Variants in TENM3 observed in about 807,000 individuals in gnomAD.
TENM3 encodes teneurin transmembrane protein 3.
Under a neutral mutation model 255.1 loss-of-function variants are expected in TENM3, and 63 were observed. The ratio of observed to expected loss-of-function variants is 0.25; its 90% CI spans 0.20 to 0.30. The LOEUF (loss-of-function observed/expected upper bound fraction) is 0.30, where lower values mean the gene tolerates loss of function less well. Among genes scored for constraint, TENM3 ranks in the 10% least tolerant of loss-of-function variants. The probability of loss-of-function intolerance (pLI) is 1.00; values close to 1 mark genes in which losing one functional copy is unlikely to be tolerated. For missense variants in TENM3, 2,929 were observed against 3,461.1 expected (o/e 0.85, Z 3.86); for synonymous variants, 1,306 against 1,322.3 (o/e 0.99, Z 0.27).
At chr4:182,718,130 A>C (rs1759358010) in intron 13 of TENM3, among the ~76,000 whole-genome samples, 1 of 152,008 alleles carries the variant, frequency 6.6e-6, no homozygotes, top group Non-Finnish European at 1.5e-5. Flanking sequence ...ACCAGGAAAG[A>C]CCCTGGTCTC....
intron 1 of TENM3, among the ~76,000 whole-genome samples, chr4:182,172,816 C>A (rs1752197764): frequency 6.6e-6 from 1 of 152,150 alleles, no homozygotes; most frequent in Non-Finnish European, 1.5e-5. Context: ...TGGTAAAGAT[C>A]TTGTATTAAA....
intron 4 of TENM3, among the ~76,000 whole-genome samples, chr4:182,617,253 C>T (rs918548502): frequency 6.6e-6 from 1 of 152,072 alleles, no homozygotes; most frequent in South Asian, 2.1e-4. Context: ...TAATAATAGG[C>T]GTTATGGAAG....
At chr4:181,710,350 G>A in the TENM3 span, among the ~76,000 whole-genome samples, 1 of 152,110 alleles carries the variant, frequency 6.6e-6, no homozygotes, top group Non-Finnish European at 1.5e-5. Flanking sequence ...ATGCTGACGA[G>A]GACCAAATAA....
the TENM3 span, among the ~76,000 whole-genome samples, chr4:181,573,391 T>C: frequency 2.1e-4 from 32 of 152,156 alleles, no homozygotes; most frequent in African/African-American, 7.5e-4. Flanking sequence ...TTCCACATCC[T>C]GGCCAGCACT....
chr4:182,221,611 TAC>T (rs1372665412), intron 1 of TENM3, among the ~76,000 whole-genome samples: 1 of 152,236 alleles, frequency 6.6e-6, no homozygotes, highest in African/African-American at 2.4e-5. Context: ...TCAATATATA[TAC>T]CATCCATTTT....
intron 3 of TENM3, among the ~76,000 whole-genome samples, chr4:182,407,196 C>T (rs1769640741): frequency 6.6e-6 from 1 of 152,148 alleles, no homozygotes; most frequent in African/African-American, 2.4e-5. Context: ...AAAAACCCAC[C>T]TCTTCACATA....
At chr4:181,448,627 GA>G in the TENM3 span, among the ~76,000 whole-genome samples, 3 of 152,124 alleles carry the variant, frequency 2.0e-5, no homozygotes, top group Non-Finnish European at 1.5e-5. Flanking sequence ...GTATATTAGT[GA>G]GATTGTTAAA....
the TENM3 span, among the ~76,000 whole-genome samples, chr4:181,604,287 A>G: frequency 3.3e-5 from 5 of 152,182 alleles, no homozygotes; most frequent in African/African-American, 1.2e-4. Flanking sequence ...GAAAAGAAAG[A>G]AAAAGATATC....
chr4:181,913,448 AG>A, the TENM3 span, among the ~76,000 whole-genome samples: 1 of 152,050 alleles, frequency 6.6e-6, no homozygotes, highest in Admixed American at 6.5e-5. Context: ...CGGACAAGGG[AG>A]GGGAAGGGGG....
At chr4:182,592,868 A>G (rs1465979499) in intron 3 of TENM3, among the ~76,000 whole-genome samples, 1 of 152,242 alleles carries the variant, frequency 6.6e-6, no homozygotes, top group Non-Finnish European at 1.5e-5. Flanking sequence ...AAGTGAGGTG[A>G]AAACGAATTT....
At chr4:182,692,011 A>G (rs1258679923) in intron 12 of TENM3, among the ~76,000 whole-genome samples, 1 of 152,216 alleles carries the variant, frequency 6.6e-6, no homozygotes, top group East Asian at 1.9e-4. Context: ...ATATGTAAAA[A>G]TATTTAGAGG....
the TENM3 span, among the ~76,000 whole-genome samples, chr4:181,532,517 T>C: frequency 6.6e-6 from 1 of 152,024 alleles, no homozygotes. Flanking sequence ...AAATGGAAAA[T>C]GTTCAATAGC....
the TENM3 span, among the ~76,000 whole-genome samples, chr4:181,658,431 A>T: frequency 1.3e-5 from 2 of 152,292 alleles, no homozygotes; most frequent in East Asian, 3.9e-4. Flanking sequence ...GTACTGGGGC[A>T]ACCTGAAACT....
In TENM3 at chr4:182,792,067, C is replaced by T. The variant is rs955863635; in HGVS notation, c.5602-207C>T. On this transcript the variant is annotated intron_variant, in intron 25 of 27. Coordinates refer to ENST00000511685, the MANE Select transcript of TENM3 (RefSeq NM_001080477.4). The surrounding 1 kb of genome is among the most constrained non-coding windows in gnomAD (Gnocchi z 6.3). ...GTGACAGGCAGCACATTGTGAATCT[C>T]GAGCCACTAATTGCAGAACCCCTCA... is the stretch of plus-strand genomic sequence containing the variant. Among the ~76,000 whole-genome samples, 2 of 152,132 alleles carry T rather than the reference C, an allele frequency of 1.3e-5. No individual in the cohort carries two copies. The highest frequency in any genetic ancestry group is 3.9e-4 in the East Asian group (2 of 5,190).
chr4:182,278,251 C>G (rs538543785), intron 1 of TENM3, among the ~76,000 whole-genome samples: 9 of 152,126 alleles, frequency 5.9e-5, no homozygotes, highest in Admixed American at 2.0e-4. Flanking sequence ...CCTGTAATCC[C>G]AGCTACTCGG....
chr4:181,883,848 T>C, the TENM3 span, among the ~76,000 whole-genome samples: 2 of 152,222 alleles, frequency 1.3e-5, no homozygotes, highest in East Asian at 3.9e-4. Flanking sequence ...ACAAGGAGAA[T>C]AGAAATATGC....
chr4:181,451,326 C>T, the TENM3 span, among the ~76,000 whole-genome samples: 1 of 152,144 alleles, frequency 6.6e-6, no homozygotes, highest in African/African-American at 2.4e-5. Context: ...AGGAAGAGAA[C>T]ATACTGGTGC....
intron 4 of TENM3, among the ~76,000 whole-genome samples, chr4:182,619,065 A>T (rs1749828178): frequency 1.3e-5 from 2 of 152,106 alleles, no homozygotes; most frequent in South Asian, 4.1e-4. Context: ...GGACAGCAAA[A>T]AAGATGAGGA....
At chr4:182,663,891 C>T (rs1307964447) in intron 6 of TENM3, among the ~76,000 whole-genome samples, 2 of 150,524 alleles carry the variant, frequency 1.3e-5, no homozygotes, top group Non-Finnish European at 2.9e-5. Context: ...AATCCTTTTC[C>T]CGGTTTCTGT....
Sources: allele counts gnomAD v4.1 joint callset (sites outside exome capture counted in the v4.1 genomes callset), GRCh38; gene constraint gnomAD v4.1.1; non-coding constraint Gnocchi (gnomAD v3.1); transcripts MANE v1.5; gene names NCBI Gene and HGNC (gene_info 2026-07-23, HGNC 2026-07-21).